The following ELFN2 variants were observed in gnomAD, a reference collection of about 807,000 sequenced individuals.
ELFN2 encodes the protein protein phosphatase 1 regulatory subunit 29.
A neutral mutation model predicts 45.5 loss-of-function variants in ELFN2; 17 were observed. The ratio of observed to expected loss-of-function variants is 0.37; its 90% CI spans 0.26 to 0.56. The LOEUF (loss-of-function observed/expected upper bound fraction) is 0.56. ELFN2 is among the 20% of genes least tolerant of loss of function. ELFN2 has a pLI of 0.77. For synonymous variants in ELFN2, 550 were observed against 551.5 expected (o/e 1.00, Z 0.04); for missense variants, 922 against 1,183.2 (o/e 0.78, Z 3.24).
intron 2 of ELFN2, among the ~76,000 whole-genome samples, chr22:37,412,375 C>T (rs566324023): frequency 2.6e-5 from 4 of 152,190 alleles, no homozygotes; most frequent in African/African-American, 9.6e-5. Context: ...GACTGGGGCT[C>T]CTGGGAATTG....
At chr22:37,383,476 G>A (rs973165065) in intron 2 of ELFN2, among the ~76,000 whole-genome samples, 20 of 152,184 alleles carry the variant, frequency 1.3e-4, no homozygotes, top group African/African-American at 2.9e-4. Flanking sequence ...TCTGGGTCCC[G>A]GGGGAGCTGG....
chr22:37,402,211 C>T (rs899580455), intron 2 of ELFN2, among the ~76,000 whole-genome samples: 2 of 152,230 alleles, frequency 1.3e-5, no homozygotes, highest in African/African-American at 4.8e-5. Flanking sequence ...AATGTTAGCC[C>T]ATGCTATTAT....
chr22:37,364,411 C>G (rs551792955), downstream of ELFN2, among the ~76,000 whole-genome samples: 3 of 152,286 alleles, frequency 2.0e-5, no homozygotes, highest in South Asian at 6.2e-4. Context: ...CTGGCCTGGC[C>G]ACAGCCCCAC....
In ELFN2 at chr22:37,375,193, C is replaced by T; in HGVS notation, c.342G>A (p.Lys114=). 6.2e-7 allele frequency: 1 copy of T among 1,614,116 alleles called. No homozygotes were observed. The highest frequency in any genetic ancestry group is 1.1e-5 in the South Asian group (1 of 91,082). The change falls in exon 3 of 3, where the codon AAG becomes AAA. Residue 114 remains lysine, a synonymous_variant. Coordinates refer to ENST00000402918, the MANE Select transcript of ELFN2 (RefSeq NM_052906.5). ...SLQVLQLGYN[K]LSNLTEGMLR... ...GCATGCCCTCCGTCAGGTTGCTGAG[C>T]TTGTTGTAGCCCAGCTGCAGGACCT...
At chr22:37,343,482 GTCTC>G (rs150211720) in intron 1 of ELFN2, among the ~76,000 whole-genome samples, 2 of 152,094 alleles carry the variant, frequency 1.3e-5, no homozygotes, top group Admixed American at 6.5e-5. Flanking sequence ...TGAGGTTTCT[GTCTC>G]TCTCTCAGCC....
chr22:37,356,507 A>C (rs1930953730), intron 1 of ELFN2, among the ~76,000 whole-genome samples: 1 of 152,170 alleles, frequency 6.6e-6, no homozygotes, highest in Admixed American at 6.5e-5. Flanking sequence ...TGTAGTTTGA[A>C]AGTTTTGAAA....
At chr22:37,341,455 C>T (rs1930557921) in intron 2 of ELFN2, among the ~76,000 whole-genome samples, 1 of 151,112 alleles carries the variant, frequency 6.6e-6, no homozygotes, top group Admixed American at 6.6e-5. Flanking sequence ...CCGCCTGGGT[C>T]TAGAGGAGGG....
Position 37,375,838 on chromosome 22 carries a change from CT to C in ELFN2, c.-305del. ...GTTCTCAGGGCTTGACTTCCTCTCC[CT>C]CCTCCTCCTCCTCCTCCTCCTCCTC... On this transcript the variant is annotated 5_prime_UTR_variant, in exon 3 of 3. Transcript: ENST00000402918. 6 of 262,902 alleles carry C rather than the reference CT, an allele frequency of 2.3e-5. No individual in the cohort carries two copies. The highest frequency in any genetic ancestry group is 7.8e-5 in the South Asian group (1 of 12,892). The allele number at this position is 262,902 out of a possible 1,614,324, so 16.3% of individuals were successfully genotyped here.
At chr22:37,344,855 C>T (rs747932208) in intron 1 of ELFN2, among the ~76,000 whole-genome samples, 2 of 152,182 alleles carry the variant, frequency 1.3e-5, no homozygotes, top group Non-Finnish European at 2.9e-5. Context: ...GCGCAGGGGG[C>T]GCTGAGGGGC....
intron 2 of ELFN2, among the ~76,000 whole-genome samples, chr22:37,405,539 T>C (rs1932478223): frequency 6.6e-6 from 1 of 152,110 alleles, no homozygotes; most frequent in Non-Finnish European, 1.5e-5. Flanking sequence ...TCATCACTGC[T>C]GTCATTACAG....
chr22:37,359,936 C>A (rs11913058), intron 1 of ELFN2, among the ~76,000 whole-genome samples: 19,194 of 152,226 alleles, frequency 0.13, 1,915 homozygotes, highest in African/African-American at 0.28. Context: ...ACCCACTTTT[C>A]ATCACATGCA....
At chr22:37,343,750 G>A (rs1212712245) in intron 1 of ELFN2, among the ~76,000 whole-genome samples, 1 of 118,438 alleles carries the variant, frequency 8.4e-6, no homozygotes, top group Non-Finnish European at 1.7e-5. Context: ...CATCTCCAGT[G>A]TTCACCCACC....
intron 2 of ELFN2, among the ~76,000 whole-genome samples, chr22:37,397,285 G>A (rs929342574): frequency 6.6e-6 from 1 of 152,172 alleles, no homozygotes; most frequent in Non-Finnish European, 1.5e-5. Flanking sequence ...TGAGAAGCCT[G>A]GCATGGAGAA....
intron 1 of ELFN2, among the ~76,000 whole-genome samples, chr22:37,346,239 C>T (rs1280594524): frequency 5.3e-5 from 8 of 152,328 alleles, no homozygotes; most frequent in South Asian, 2.1e-4. Flanking sequence ...CCGGCCTGTG[C>T]GCACACTGGG....
Position 37,373,984 on chromosome 22 carries a change from G to A in ELFN2, c.1551C>T (p.Pro517=), listed in dbSNP as rs772799053. ...TCTCGAGGTCCGGGAGGTCATCCTC[G>A]GGCCGAGCCAGACCGTCCCCGCCGG... ...TGAGGDGLAR[P]EDDLPDLENG... is the part of the protein sequence containing the mutation. Residue 517 remains proline, a synonymous_variant, in exon 3 of 3, where the codon CCC becomes CCT. Coordinates refer to ENST00000402918, the MANE Select transcript of ELFN2 (RefSeq NM_052906.5). The A allele has an allele frequency of 1.2e-5, 19 of 1,613,002 alleles. No individual in the cohort carries two copies. The highest frequency in any genetic ancestry group is 1.6e-4 in the Middle Eastern group (1 of 6,062).
Position 37,373,215 on chromosome 22 carries a change from G to T in ELFN2, c.2320C>A (p.Arg774=), listed in dbSNP as rs369540331. 6.2e-7 allele frequency: 1 copy of T among 1,613,802 alleles called. No individual in the cohort carries two copies. Among genetic ancestry groups the T allele is most frequent in the South Asian group, 1.1e-5 (1 of 91,086 alleles). The change falls in exon 3 of 3, where the codon CGG becomes AGG. Residue 774 remains arginine, a synonymous_variant. Coordinates refer to ENST00000402918, the MANE Select transcript of ELFN2 (RefSeq NM_052906.5). ...ESTHKIWERF[R]PYKKHHREEV... is the part of the protein sequence containing the mutation. ...TCCCGGTGGTGCTTCTTGTAGGGCC[G>T]GAAGCGCTCCCAGATCTTGTGCGTG...
chr22:37,385,664 A>T (rs1931928690), intron 2 of ELFN2, among the ~76,000 whole-genome samples: 1 of 152,212 alleles, frequency 6.6e-6, no homozygotes, highest in Non-Finnish European at 1.5e-5. Flanking sequence ...GGGGACACGT[A>T]GAAACCCAGC....
At chr22:37,364,288 G>A (rs553651632), downstream of ELFN2, among the ~76,000 whole-genome samples, 10 of 152,312 alleles carry the variant, frequency 6.6e-5, no homozygotes, top group African/African-American at 2.4e-4. Flanking sequence ...AGGGAGGATT[G>A]CCTGGGATTC....
At chr22:37,347,483 G>A (rs1930725599) in intron 1 of ELFN2, among the ~76,000 whole-genome samples, 1 of 152,174 alleles carries the variant, frequency 6.6e-6, no homozygotes, top group African/African-American at 2.4e-5. Flanking sequence ...AAGCACCTCT[G>A]CATTCCATGT....
Sources: gnomAD v4.1 joint callset for allele counts (sites outside exome capture counted in the v4.1 genomes callset) on GRCh38, gnomAD v4.1.1 for gene constraint, MANE v1.5 for transcripts, NCBI Gene and HGNC (gene_info 2026-07-23, HGNC 2026-07-21) for gene names.